GLRA1: variants seen among roughly 807,000 people sequenced by gnomAD.
GLRA1 encodes glycine receptor alpha 1.
In GLRA1, 37 loss-of-function variants were observed where a neutral mutation model predicts 48.3. The ratio of observed to expected loss-of-function variants is 0.77; its 90% CI spans 0.59 to 1.01. The LOEUF (loss-of-function observed/expected upper bound fraction) is 1.01. Ranked by LOEUF, GLRA1 falls within the 50% of genes least tolerant of loss-of-function variation. GLRA1 has a pLI of 0.00. For synonymous variants in GLRA1, 196 were observed against 210.7 expected (o/e 0.93, Z 0.60); for missense variants, 427 against 571.0 (o/e 0.75, Z 2.57).
intron 1 of GLRA1, among the ~76,000 whole-genome samples, chr5:151,916,358 C>T (rs1754741775): frequency 6.6e-6 from 1 of 152,232 alleles, no homozygotes. Context: ...TGCCTGGCAG[C>T]CAGGGTTGCA....
At chr5:151,824,631 C>G (rs1372456615) in intron 8 of GLRA1, among the ~76,000 whole-genome samples, 4 of 152,176 alleles carry the variant, frequency 2.6e-5, no homozygotes, top group Non-Finnish European at 4.4e-5. Flanking sequence ...TCTCTTGTCT[C>G]CAACTCCTCT....
intron 3 of GLRA1, among the ~76,000 whole-genome samples, chr5:151,872,565 C>T (rs1753514869): frequency 6.7e-6 from 1 of 149,636 alleles, no homozygotes; most frequent in Admixed American, 6.6e-5. Context: ...AAGAAATGCA[C>T]ACAGAGGGTT....
In GLRA1 at chr5:151,924,676, G is replaced by A; in HGVS notation, c.-127C>T. 1.3e-6 allele frequency: 1 copy of A among 756,630 alleles called. No homozygotes were observed. The allele number at this position is 756,630 out of a possible 1,614,324, so 46.9% of individuals were successfully genotyped here. On this transcript the variant is annotated 5_prime_UTR_variant, in exon 1 of 9. Coordinates refer to ENST00000274576, the MANE Select transcript of GLRA1 (RefSeq NM_000171.4). ...GATGTTAAAGGGAGGCGGGGAACAGGGGCGCGGAGGGAGAGCCCCAGGGGA... is the reference window on the plus strand; with the variant it reads ...GATGTTAAAGGGAGGCGGGGAACAGAGGCGCGGAGGGAGAGCCCCAGGGGA...
At chr5:151,840,796 G>A (rs1008190236) in intron 7 of GLRA1, among the ~76,000 whole-genome samples, 1 of 148,420 alleles carries the variant, frequency 6.7e-6, no homozygotes, top group African/African-American at 2.5e-5. Context: ...GAGATGAAGA[G>A]CATTTGATAA....
At chr5:151,827,214 G>A (rs1265154801) in intron 8 of GLRA1, among the ~76,000 whole-genome samples, 4 of 150,492 alleles carry the variant, frequency 2.7e-5, no homozygotes, top group Non-Finnish European at 5.9e-5. Context: ...GGTATTAAAT[G>A]GACAATATAG....
intron 4 of GLRA1, among the ~76,000 whole-genome samples, chr5:151,859,113 A>G (rs1224869978): frequency 4.6e-5 from 7 of 152,204 alleles, no homozygotes; most frequent in Admixed American, 4.6e-4. Context: ...AGTACCTGGC[A>G]TAGTTAGTGA....
intron 7 of GLRA1, among the ~76,000 whole-genome samples, chr5:151,841,276 ATATAT>A (rs1218120834): frequency 1.3e-5 from 2 of 152,154 alleles, no homozygotes; most frequent in Non-Finnish European, 2.9e-5. Context: ...TAAATAAAAG[ATATAT>A]TAAGGAATAC....
intron 3 of GLRA1, among the ~76,000 whole-genome samples, chr5:151,881,788 T>G (rs1368587066): frequency 6.6e-6 from 1 of 152,186 alleles, no homozygotes; most frequent in Non-Finnish European, 1.5e-5. Context: ...GCTGCCTCTC[T>G]GCTCTCAGGT....
At chr5:151,862,012 G>A (rs1182049752) in intron 3 of GLRA1, among the ~76,000 whole-genome samples, 7 of 152,128 alleles carry the variant, frequency 4.6e-5, no homozygotes, top group Non-Finnish European at 8.8e-5. Flanking sequence ...GAGGCATCAC[G>A]CTACCTGACT....
chr5:151,851,470 G>A lies in GLRA1; in HGVS notation c.832C>T (p.Pro278Ser). The change falls in exon 7 of 9, where the codon CCT (proline) becomes TCT (serine). Residue 278 changes from proline (P) to serine (S), a missense_variant. Physicochemically the swap from Pro to Ser is moderately conservative, Grantham distance 74. Coordinates refer to ENST00000274576, the MANE Select transcript of GLRA1 (RefSeq NM_000171.4). ...ISFWINMDAA[P>S]ARVGLGITTV... ...GTGATGCCTAGGCCCACACGAGCAGGTGCAGCATCCATGTTGATCCAGAAG... is the reference window on the plus strand; with the variant it reads ...GTGATGCCTAGGCCCACACGAGCAGATGCAGCATCCATGTTGATCCAGAAG... The A allele has an allele frequency of 6.2e-7, 1 of 1,614,032 alleles. No individual in the cohort carries two copies. Among genetic ancestry groups the A allele is most frequent in the Non-Finnish European group, 8.5e-7 (1 of 1,179,916 alleles).
At chr5:151,849,112 CT>C in intron 7 of GLRA1, 1 of 165,606 alleles carries the variant, frequency 6.0e-6, no homozygotes, top group South Asian at 2.6e-4. Context: ...TCTTTTCTTT[CT>C]TTCTTTCTTT....
Position 151,828,950 on chromosome 5 carries a change from G to A in GLRA1, c.1030C>T (p.Arg344Ter), listed in dbSNP as rs281864913. 1.3e-5 allele frequency: 21 copies of A among 1,614,018 alleles called. No homozygotes were observed. Among genetic ancestry groups the A allele is most frequent in the Middle Eastern group, 1.7e-4 (1 of 6,060 alleles). Residue 344 changes from arginine (R) to a stop codon, truncating the protein, a stop_gained, in exon 8 of 9, where the codon CGA (arginine) becomes TGA (stop). Coordinates refer to ENST00000274576, the MANE Select transcript of GLRA1 (RefSeq NM_000171.4). LOFTEE classifies it high-confidence loss of function. ...FVSRQHKELL[R>*]FRRKRRHHKE... ...TGATGTCTCCGCTTCCTCCTGAATC[G>A]GAGCAGCTCCTTATGTTGCCGAGAC...
intron 3 of GLRA1, among the ~76,000 whole-genome samples, chr5:151,881,080 G>A (rs1753748609): frequency 6.6e-6 from 1 of 152,028 alleles, no homozygotes; most frequent in South Asian, 2.1e-4. Context: ...GTTCAAATTA[G>A]CATCACATAT....
intron 3 of GLRA1, among the ~76,000 whole-genome samples, chr5:151,873,374 C>T (rs56177246): frequency 0.036 from 5,413 of 149,652 alleles, 206 homozygotes; most frequent in Middle Eastern, 0.078. Context: ...TCAGATTTAC[C>T]TTACAGCCAG....
chr5:151,842,058 A>T (rs1449837807), intron 7 of GLRA1, among the ~76,000 whole-genome samples: 4 of 45,994 alleles, frequency 8.7e-5, no homozygotes, highest in Non-Finnish European at 4.4e-5. Context: ...ACTCCATCTA[A>T]AAAAAAAAAA....
At chr5:151,839,594 C>G (rs1330938477) in intron 7 of GLRA1, among the ~76,000 whole-genome samples, 3 of 152,046 alleles carry the variant, frequency 2.0e-5, no homozygotes, top group Non-Finnish European at 4.4e-5. Flanking sequence ...GTCCTTACCC[C>G]CATTATGACT....
At chr5:151,834,715 T>A (rs1251279178) in intron 7 of GLRA1, among the ~76,000 whole-genome samples, 1 of 152,010 alleles carries the variant, frequency 6.6e-6, no homozygotes, top group African/African-American at 2.4e-5. Context: ...ATAAAATATA[T>A]AGACTGCTAG....
At chr5:151,871,684 C>T (rs1753488876) in intron 3 of GLRA1, among the ~76,000 whole-genome samples, 1 of 149,226 alleles carries the variant, frequency 6.7e-6, no homozygotes, top group African/African-American at 2.6e-5. Flanking sequence ...CCTCAGCCTC[C>T]CGAGTAGCTG....
intron 7 of GLRA1, among the ~76,000 whole-genome samples, chr5:151,837,852 C>G (rs1763615564): frequency 6.6e-6 from 1 of 152,074 alleles, no homozygotes; most frequent in African/African-American, 2.4e-5. Context: ...GGAGAAATAC[C>G]TAACGTAGAT....
Sources: allele counts gnomAD v4.1 joint callset (sites outside exome capture counted in the v4.1 genomes callset), GRCh38; gene constraint gnomAD v4.1.1; transcripts MANE v1.5; gene names NCBI Gene and HGNC (gene_info 2026-07-23, HGNC 2026-07-21).